FARP2: variants seen among roughly 807,000 people sequenced by gnomAD.
FARP2 encodes FERM, ARH/RhoGEF and pleckstrin domain protein 2, also known as FERM, ARHGEF and pleckstrin domain-containing protein 2.
In FARP2, 111 loss-of-function variants were observed where a neutral mutation model predicts 130.5. That is an observed-to-expected ratio of 0.85 (90% CI 0.73 to 1.00). FARP2 has a LOEUF of 1.00. Ranked by LOEUF, FARP2 falls within the 50% of genes least tolerant of loss-of-function variation. The pLI is 0.00. For missense variants in FARP2, 1,385 were observed against 1,346.3 expected (o/e 1.03, Z -0.45); for synonymous variants, 504 against 516.9 (o/e 0.98, Z 0.34).
intron 22 of FARP2, among the ~76,000 whole-genome samples, chr2:241,490,511 T>C (rs1264561919): frequency 6.6e-6 from 1 of 152,194 alleles, no homozygotes; most frequent in African/African-American, 2.4e-5. Context: ...GCCCAGGCTA[T>C]GGCACAGAAT....
intron 25 of FARP2, 87 bp from the exon 26 acceptor site, chr2:241,493,206 G>C (rs527310367): frequency 1.4e-6 from 2 of 1,449,730 alleles, no homozygotes; most frequent in African/African-American, 1.4e-5. Context: ...GCATTTGTAC[G>C]TGCCACCGTT....
At chr2:241,410,436 T>TC (rs984398906) in intron 5 of FARP2, among the ~76,000 whole-genome samples, 1 of 151,236 alleles carries the variant, frequency 6.6e-6, no homozygotes, top group Non-Finnish European at 1.5e-5. Context: ...TTTCTTTCTT[T>TC]TTTTTTTTTT....
chr2:241,398,725 C>T (rs1559731216), intron 2 of FARP2, among the ~76,000 whole-genome samples: 1 of 151,956 alleles, frequency 6.6e-6, no homozygotes, highest in Non-Finnish European at 1.5e-5. Flanking sequence ...TGTGCCACCA[C>T]GCCCGGCTAA....
chr2:241,371,831 A>T (rs2061430581), intron 1 of FARP2, among the ~76,000 whole-genome samples: 1 of 152,196 alleles, frequency 6.6e-6, no homozygotes, highest in African/African-American at 2.4e-5. Context: ...GGAAGTTGCC[A>T]TAAATAATAG....
chr2:241,483,716 A>G (rs2064683560), intron 20 of FARP2, 183 bp downstream of exon 20: 1 of 835,720 alleles, frequency 1.2e-6, no homozygotes, highest in Non-Finnish European at 1.4e-6. Flanking sequence ...AGTGGGAAGA[A>G]GCAGAAAACA....
chr2:241,475,952 C>G lies in FARP2; in HGVS notation c.2227C>G (p.Leu743Val), dbSNP rs1306333952. Reference protein sequence around the residue: ...LQKLTELQRDLVGIENLIAPG... With the variant: ...LQKLTELQRDVVGIENLIAPG... ...GAAGCTAACGGAGCTGCAGCGGGAC[C>G]TGGTGGGCATAGAGAACCTCATTGC... The change falls in exon 19 of 27, where the codon CTG (leucine) becomes GTG (valine). Residue 743 changes from leucine to valine, a missense_variant. Physicochemically the swap from Leu to Val is conservative, Grantham distance 32. Coordinates refer to ENST00000264042, the MANE Select transcript of FARP2 (RefSeq NM_014808.4). This position sits in a 1 kb window ranked among gnomAD's most constrained non-coding sequence, Gnocchi z 4.4. 10 of 1,613,952 alleles carry G rather than the reference C, an allele frequency of 6.2e-6. No individual in the cohort carries two copies. The highest frequency in any genetic ancestry group is 1.3e-5 in the African/African-American group (1 of 74,922).
chr2:241,478,813 G>A (rs1415895548), intron 19 of FARP2: 2 of 395,108 alleles, frequency 5.1e-6, no homozygotes, highest in Admixed American at 6.5e-5. Flanking sequence ...TGTCCACCAT[G>A]TCCGACAGCT....
At chr2:241,385,666 G>C (rs931409175) in intron 2 of FARP2, among the ~76,000 whole-genome samples, 2 of 152,070 alleles carry the variant, frequency 1.3e-5, no homozygotes, top group Non-Finnish European at 2.9e-5. Context: ...GTTGCAGTGA[G>C]CCGTGATTGC....
intron 18 of FARP2, among the ~76,000 whole-genome samples, chr2:241,471,013 C>T (rs930328573): frequency 2.0e-5 from 3 of 150,056 alleles, no homozygotes; most frequent in African/African-American, 7.4e-5. Flanking sequence ...GAGCGGATCT[C>T]GTTCTAAGTG....
At chr2:241,431,642 A>G (rs756905744) in intron 8 of FARP2, 37 bp from the exon 9 acceptor site, 1 of 1,032,146 alleles carries the variant, frequency 9.7e-7, no homozygotes, top group Non-Finnish European at 1.5e-6. Flanking sequence ...GTTATGTGCC[A>G]GATACAAATG....
intron 21 of FARP2, among the ~76,000 whole-genome samples, chr2:241,487,938 C>T (rs1320443978): frequency 4.0e-5 from 6 of 151,590 alleles, no homozygotes; most frequent in East Asian, 3.9e-4. Flanking sequence ...TTAGTAGAGA[C>T]GGGGTTTCAC....
chr2:241,425,926 G>A (rs893503233), intron 8 of FARP2, among the ~76,000 whole-genome samples: 21 of 149,926 alleles, frequency 1.4e-4, no homozygotes, highest in Non-Finnish European at 2.5e-4. Flanking sequence ...AGCATTTGGC[G>A]ATTTTTTTTT....
At chr2:241,493,780 A>G in intron 26 of FARP2, 1 of 483,314 alleles carries the variant, frequency 2.1e-6, no homozygotes, top group Non-Finnish European at 3.7e-6. Flanking sequence ...TATTTTTAGT[A>G]GAGACAGGGT....
At chr2:241,445,491 A>G (rs1001005923) in intron 13 of FARP2, 2 of 152,200 alleles carry the variant, frequency 1.3e-5, no homozygotes, top group African/African-American at 4.8e-5. Flanking sequence ...TTAACAAGAC[A>G]GTTTACAGTG....
At chr2:241,492,838 C>T (rs535173986) in intron 24 of FARP2, 91 bp from the exon 25 acceptor site, 26 of 731,284 alleles carry the variant, frequency 3.6e-5, no homozygotes, top group East Asian at 1.5e-4. Context: ...CTGGAGAAAG[C>T]ATGCAGAGGC....
At chr2:241,386,884 G>A (rs1195840094) in intron 2 of FARP2, 1 of 152,210 alleles carries the variant, frequency 6.6e-6, no homozygotes, top group African/African-American at 2.4e-5. Context: ...CCTCTAATAA[G>A]TGTCCTTTTA....
chr2:241,395,024 C>T (rs2061995795), intron 2 of FARP2, among the ~76,000 whole-genome samples: 1 of 152,220 alleles, frequency 6.6e-6, no homozygotes, highest in Non-Finnish European at 1.5e-5. Context: ...TGGTGCTCAG[C>T]GGCTTTCCTG....
intron 13 of FARP2, chr2:241,456,310 A>G (rs1026940419): frequency 6.5e-6 from 1 of 154,210 alleles, no homozygotes; most frequent in African/African-American, 2.4e-5. Context: ...GTCTTTTCAG[A>G]TGTTAGCCCT....
chr2:241,487,270 A>G (rs1046641355), intron 21 of FARP2, among the ~76,000 whole-genome samples: 3 of 152,226 alleles, frequency 2.0e-5, no homozygotes, highest in Non-Finnish European at 4.4e-5. Context: ...CATATAGGGA[A>G]CCCAGCAAAT....
Sources: allele counts gnomAD v4.1 joint callset (sites outside exome capture counted in the v4.1 genomes callset), GRCh38; gene constraint gnomAD v4.1.1; non-coding constraint Gnocchi (gnomAD v3.1); transcripts MANE v1.5; gene names NCBI Gene and HGNC (gene_info 2026-07-23, HGNC 2026-07-21).